The following VTI1A variants were observed in gnomAD, a reference collection of about 807,000 sequenced individuals.
VTI1A encodes vesicle transport through interaction with t-SNAREs 1A.
Under a neutral mutation model 34.9 loss-of-function variants are expected in VTI1A, and 22 were observed. The ratio of observed to expected loss-of-function variants is 0.63; its 90% CI spans 0.45 to 0.90. VTI1A has a LOEUF of 0.90. VTI1A is among the 40% of genes least tolerant of loss of function. The pLI is 0.00. For missense variants in VTI1A, 268 were observed against 275.6 expected, an observed-to-expected ratio of 0.97 and a Z score of 0.20; for synonymous variants, 87 against 97.3, an observed-to-expected ratio of 0.89 and a Z score of 0.62.
At chr10:112,514,697 T>A (rs1204531771) in intron 3 of VTI1A, among the ~76,000 whole-genome samples, 2 of 151,990 alleles carry the variant, frequency 1.3e-5, no homozygotes, top group Non-Finnish European at 2.9e-5. Flanking sequence ...TGTTGTTTCT[T>A]GTTTTTAAAG....
In VTI1A at chr10:112,792,945, A is replaced by T. The variant is rs376828925; in HGVS notation, c.561-22345A>T. Among the ~76,000 whole-genome samples, 118 of 152,322 alleles carry T rather than the reference A, an allele frequency of 7.7e-4. 2 individuals carry two copies. In the South Asian group the frequency reaches 0.024, roughly 31 times the overall value. On this transcript the variant is annotated intron_variant, in intron 7 of 7. Coordinates refer to ENST00000393077, the MANE Select transcript of VTI1A (RefSeq NM_145206.4). ...GTTGTTAATTGGTGCTGTTTAGCAC[A>T]TATTTCATCATCAGTCTCACTGACT...
intron 5 of VTI1A, among the ~76,000 whole-genome samples, chr10:112,587,692 A>G (rs1175527020): frequency 1.3e-5 from 2 of 152,188 alleles, no homozygotes; most frequent in Non-Finnish European, 2.9e-5. Flanking sequence ...TTAATTAGCA[A>G]ATGTACAGAT....
intron 3 of VTI1A, among the ~76,000 whole-genome samples, chr10:112,471,204 C>T (rs1232288134): frequency 6.6e-6 from 1 of 152,022 alleles, no homozygotes; most frequent in Non-Finnish European, 1.5e-5. Context: ...TTGTAGCTGA[C>T]TAAATACCTG....
At chr10:112,604,201 A>G (rs1207804652) in intron 5 of VTI1A, among the ~76,000 whole-genome samples, 1 of 152,076 alleles carries the variant, frequency 6.6e-6, no homozygotes, top group African/African-American at 2.4e-5. Context: ...GCCTCCATCA[A>G]CTAGCTGTGT....
intron 3 of VTI1A, among the ~76,000 whole-genome samples, chr10:112,499,060 T>C (rs1169633388): frequency 1.3e-5 from 2 of 152,208 alleles, no homozygotes; most frequent in African/African-American, 4.8e-5. Flanking sequence ...TTGCCTTATC[T>C]AGTCTGTATC....
chr10:112,528,815 T>C (rs1850330168), intron 4 of VTI1A, among the ~76,000 whole-genome samples: 1 of 152,162 alleles, frequency 6.6e-6, no homozygotes, highest in Admixed American at 6.5e-5. Flanking sequence ...GGTGTGCCTG[T>C]CTAACTCAGA....
chr10:112,664,284 G>A lies in VTI1A; in HGVS notation c.428-3934G>A, dbSNP rs565851113. 7.9e-5 allele frequency among the ~76,000 whole-genome samples: 12 copies of A among 152,114 alleles called. No individual in the cohort carries two copies. In the South Asian group the frequency reaches 1.9e-3, roughly 24 times the overall value. On this transcript the variant is annotated intron_variant, in intron 5 of 7. Coordinates refer to ENST00000393077, the MANE Select transcript of VTI1A (RefSeq NM_145206.4). ...TCCTGGTGAATTAGATTTGAGGCTCGTTCCCTTTCAGCCAGTTTATAACAT... is the reference window on the plus strand; with the variant it reads ...TCCTGGTGAATTAGATTTGAGGCTCATTCCCTTTCAGCCAGTTTATAACAT...
At chr10:112,489,791 G>T (rs1564797802) in intron 3 of VTI1A, among the ~76,000 whole-genome samples, 1 of 152,182 alleles carries the variant, frequency 6.6e-6, no homozygotes, top group Non-Finnish European at 1.5e-5. Context: ...CTGAAATCTA[G>T]ATTGTGGGTT....
At chr10:112,707,420 G>A (rs1455031303) in intron 7 of VTI1A, among the ~76,000 whole-genome samples, 1 of 151,938 alleles carries the variant, frequency 6.6e-6, no homozygotes, top group African/African-American at 2.4e-5. Flanking sequence ...TGCAACCTCC[G>A]CCTCCCAGGT....
chr10:112,772,183 T>C (rs1851830839), intron 7 of VTI1A, among the ~76,000 whole-genome samples: 1 of 152,166 alleles, frequency 6.6e-6, no homozygotes, highest in Non-Finnish European at 1.5e-5. Flanking sequence ...AATATAAAGG[T>C]TTTGATTTCT....
At chr10:112,743,250 G>A (rs1301286506) in intron 7 of VTI1A, among the ~76,000 whole-genome samples, 4 of 152,154 alleles carry the variant, frequency 2.6e-5, no homozygotes, top group Non-Finnish European at 5.9e-5. Flanking sequence ...GCAACAATGA[G>A]CAGACCCATT....
At chr10:112,503,184 C>T (rs1227802038) in intron 3 of VTI1A, among the ~76,000 whole-genome samples, 1 of 152,150 alleles carries the variant, frequency 6.6e-6, no homozygotes, top group Admixed American at 6.5e-5. Flanking sequence ...AGTCATTCTA[C>T]TGGTCTATGG....
chr10:112,786,174 A>G (rs558784729), intron 7 of VTI1A, among the ~76,000 whole-genome samples: 10 of 152,276 alleles, frequency 6.6e-5, no homozygotes, highest in African/African-American at 1.9e-4. Context: ...ATTTTGTTAA[A>G]GTTGTTTCTA....
chr10:112,616,165 G>A (rs1475691820), intron 5 of VTI1A, among the ~76,000 whole-genome samples: 3 of 152,176 alleles, frequency 2.0e-5, no homozygotes, highest in African/African-American at 7.2e-5. Flanking sequence ...GCAGTGGGTT[G>A]AAATGAGAAT....
In VTI1A at chr10:112,447,320, G is replaced by A; in HGVS notation, c.-54G>A. The A allele has an allele frequency of 3.8e-6, 6 of 1,575,502 alleles. No homozygotes were observed. The highest frequency in any genetic ancestry group is 5.2e-6 in the Non-Finnish European group (6 of 1,158,558). The stretch of plus-strand genomic sequence containing the variant: ...GCCGCGGGGCCCCTCGCTGCCCCTC[G>A]AGGCCCTTTCCCTGACCTAGGCTTT... On this transcript the variant is annotated 5_prime_UTR_variant, in exon 1 of 8. Coordinates refer to ENST00000393077, the MANE Select transcript of VTI1A (RefSeq NM_145206.4).
the VTI1A span, among the ~76,000 whole-genome samples, chr10:112,843,445 T>G: frequency 3.9e-5 from 6 of 152,332 alleles, no homozygotes; most frequent in African/African-American, 1.2e-4. Flanking sequence ...TACGACTGAT[T>G]AGCAATGCCT....
chr10:112,772,993 A>T (rs1851857621), intron 7 of VTI1A, among the ~76,000 whole-genome samples: 1 of 152,212 alleles, frequency 6.6e-6, no homozygotes, highest in African/African-American at 2.4e-5. Context: ...TCGAAAACTC[A>T]CAAAGTGTGC....
chr10:112,586,254 C>T (rs979254648), intron 5 of VTI1A, among the ~76,000 whole-genome samples: 1 of 151,982 alleles, frequency 6.6e-6, no homozygotes, highest in African/African-American at 2.4e-5. Flanking sequence ...CTGTACTCCT[C>T]CTTGGTTGCT....
the VTI1A span, among the ~76,000 whole-genome samples, chr10:112,851,274 T>C: frequency 2.0e-5 from 3 of 152,340 alleles, no homozygotes; most frequent in Admixed American, 6.5e-5. Flanking sequence ...TCGCCTGTGA[T>C]ATTAGGGCAA....
Sources: allele counts gnomAD v4.1 joint callset (sites outside exome capture counted in the v4.1 genomes callset), GRCh38; gene constraint gnomAD v4.1.1; transcripts MANE v1.5; gene names NCBI Gene and HGNC (gene_info 2026-07-23, HGNC 2026-07-21).